The following TTC28 variants were observed in gnomAD, a reference collection of about 807,000 sequenced individuals.
TTC28 encodes the protein tetratricopeptide repeat protein 28.
In TTC28, 61 loss-of-function variants were observed where a neutral mutation model predicts 198.0. The ratio of observed to expected loss-of-function variants is 0.31; its 90% CI spans 0.25 to 0.38. The LOEUF is 0.38. Among genes scored for constraint, TTC28 ranks in the 10% least tolerant of loss-of-function variants. The probability of loss-of-function intolerance (pLI) is 1.00; values close to 1 mark genes in which losing one functional copy is unlikely to be tolerated. For missense variants in TTC28, 2,678 were observed against 3,164.0 expected (o/e 0.85, Z 3.69); for synonymous variants, 1,171 against 1,297.8 (o/e 0.90, Z 2.10).
At chr22:28,088,503 A>G in intron 12 of TTC28, among the ~76,000 whole-genome samples, 1 of 152,222 alleles carries the variant, frequency 6.6e-6, no homozygotes, top group Non-Finnish European at 1.5e-5. Context: ...ACCTTATACA[A>G]AAATTAATTC....
intron 2 of TTC28, among the ~76,000 whole-genome samples, chr22:28,363,488 T>C (rs1212145831): frequency 6.6e-6 from 1 of 152,150 alleles, no homozygotes; most frequent in Non-Finnish European, 1.5e-5. Context: ...GGAAGGGAAA[T>C]GTGGGGTCGA....
intron 2 of TTC28, among the ~76,000 whole-genome samples, chr22:28,532,889 G>C (rs2049171727): frequency 6.6e-6 from 1 of 152,138 alleles, no homozygotes; most frequent in Non-Finnish European, 1.5e-5. Flanking sequence ...AATAAACTAG[G>C]TATTGATGGG....
At chr22:28,209,392 G>A (rs935387929) in intron 5 of TTC28, among the ~76,000 whole-genome samples, 2 of 152,172 alleles carry the variant, frequency 1.3e-5, no homozygotes, top group African/African-American at 4.8e-5. Flanking sequence ...CCTAGCCAAG[G>A]GAAGCCGTGA....
At chr22:28,601,855 T>A (rs961133375) in intron 2 of TTC28, among the ~76,000 whole-genome samples, 6 of 151,624 alleles carry the variant, frequency 4.0e-5, no homozygotes, top group Non-Finnish European at 7.4e-5. Flanking sequence ...TATATAGCAC[T>A]AATGCTGACT....
chr22:28,436,321 C>G lies in TTC28; in HGVS notation c.382-129678G>C, dbSNP rs142535212. On this transcript the variant is annotated intron_variant, in intron 2 of 22. Coordinates refer to ENST00000397906, the MANE Select transcript of TTC28 (RefSeq NM_001145418.2). ...CATTTATACATTCATTCATTCAGCT[C>G]CTCTTCTGTGCCTATGCCCTCAAAA... is the stretch of plus-strand genomic sequence containing the variant. Among the ~76,000 whole-genome samples the G allele has an allele frequency of 9.2e-5, 14 of 152,298 alleles. No individual in the cohort carries two copies. The East Asian group carries it at 1.7e-3, about 19-fold the overall frequency.
At chr22:28,321,138 G>A (rs2045440057) in intron 2 of TTC28, among the ~76,000 whole-genome samples, 1 of 152,094 alleles carries the variant, frequency 6.6e-6, no homozygotes, top group Non-Finnish European at 1.5e-5. Context: ...AACAGGCATT[G>A]GCTGAGAAGC....
chr22:28,004,858 T>C (rs562096912), intron 14 of TTC28, among the ~76,000 whole-genome samples: 168 of 152,174 alleles, frequency 1.1e-3, no homozygotes, highest in Non-Finnish European at 2.0e-3. Context: ...CTATTCAGCT[T>C]ACATATCATC....
intron 2 of TTC28, among the ~76,000 whole-genome samples, chr22:28,569,923 A>T (rs2050035350): frequency 6.6e-6 from 1 of 152,240 alleles, no homozygotes; most frequent in Non-Finnish European, 1.5e-5. Flanking sequence ...GAAAGAAGAC[A>T]TATACGTGAC....
chr22:28,678,022 CCA>C (rs968206950), intron 1 of TTC28, among the ~76,000 whole-genome samples: 2 of 151,832 alleles, frequency 1.3e-5, no homozygotes, highest in Non-Finnish European at 1.5e-5. Context: ...AAGCAAATTC[CCA>C]CCTTTCTTGA....
At chr22:28,658,153 A>G (rs1400589693) in intron 1 of TTC28, among the ~76,000 whole-genome samples, 2 of 152,214 alleles carry the variant, frequency 1.3e-5, no homozygotes, top group African/African-American at 4.8e-5. Flanking sequence ...GTAATAAAAT[A>G]TTACACAAGA....
At chr22:28,678,406 G>C (rs555037764) in intron 1 of TTC28, among the ~76,000 whole-genome samples, 13 of 152,032 alleles carry the variant, frequency 8.6e-5, no homozygotes, top group African/African-American at 2.7e-4. Flanking sequence ...AACGAGTCTC[G>C]CTATGTTTCC....
intron 12 of TTC28, among the ~76,000 whole-genome samples, chr22:28,032,948 G>A (rs1043050731): frequency 6.6e-6 from 1 of 152,196 alleles, no homozygotes; most frequent in African/African-American, 2.4e-5. Flanking sequence ...GCAGGTGAAG[G>A]CTTGAAAGGC....
intron 1 of TTC28, among the ~76,000 whole-genome samples, chr22:28,659,883 C>A (rs1052483802): frequency 6.6e-6 from 1 of 151,962 alleles, no homozygotes; most frequent in Non-Finnish European, 1.5e-5. Flanking sequence ...ACTGCAACCT[C>A]AACCTCCTGG....
intron 2 of TTC28, among the ~76,000 whole-genome samples, chr22:28,472,835 A>T (rs1375014867): frequency 6.6e-6 from 1 of 152,178 alleles, no homozygotes; most frequent in Non-Finnish European, 1.5e-5. Context: ...ACTCACATCA[A>T]GCCATAGTAA....
At chr22:28,001,207 G>C (rs994857093) in intron 15 of TTC28, 167 bp downstream of exon 15, 1 of 861,316 alleles carries the variant, frequency 1.2e-6, no homozygotes, top group Non-Finnish European at 1.7e-6. Flanking sequence ...CCCCACTTTT[G>C]GACAGACCTA....
chr22:28,399,318 T>TCA (rs2046866468), intron 2 of TTC28, among the ~76,000 whole-genome samples: 2 of 58,802 alleles, frequency 3.4e-5, no homozygotes. Context: ...ACTAAAACTG[T>TCA]TTTTTTTTTT....
At chr22:28,243,398 T>G (rs938339617) in intron 5 of TTC28, among the ~76,000 whole-genome samples, 6 of 150,998 alleles carry the variant, frequency 4.0e-5, no homozygotes, top group Admixed American at 6.6e-5. Flanking sequence ...ACCTGGAGTT[T>G]TCATATTTGG....
At chr22:28,218,595 A>G (rs1927597181) in intron 5 of TTC28, among the ~76,000 whole-genome samples, 1 of 152,120 alleles carries the variant, frequency 6.6e-6, no homozygotes, top group South Asian at 2.1e-4. Context: ...ATAAAAAAAT[A>G]CCCACTCAGT....
chr22:28,444,267 T>C (rs1005593475), intron 2 of TTC28, among the ~76,000 whole-genome samples: 6 of 152,224 alleles, frequency 3.9e-5, no homozygotes, highest in African/African-American at 1.4e-4. Flanking sequence ...TGCATAATAA[T>C]AGTAACTGAT....
Sources: allele counts gnomAD v4.1 joint callset (sites outside exome capture counted in the v4.1 genomes callset), GRCh38; gene constraint gnomAD v4.1.1; transcripts MANE v1.5; gene names NCBI Gene and HGNC (gene_info 2026-07-23, HGNC 2026-07-21).